Variants in B3GAT1 observed in about 807,000 individuals in gnomAD.
B3GAT1 encodes the protein beta-1,3-glucuronyltransferase 1.
In B3GAT1, 11 loss-of-function variants were observed where a neutral mutation model predicts 28.4. The ratio of observed to expected loss-of-function variants is 0.39; its 90% CI spans 0.24 to 0.64. The LOEUF (loss-of-function observed/expected upper bound fraction) is 0.64. Among genes scored for constraint, B3GAT1 ranks in the 30% least tolerant of loss-of-function variants. The pLI is 0.50. For synonymous variants in B3GAT1, 255 were observed against 223.1 expected, an observed-to-expected ratio of 1.14 and a Z score of -1.27; for missense variants, 375 against 491.0, an observed-to-expected ratio of 0.76 and a Z score of 2.23.
chr11:134,404,185 G>A (rs963456158), intron 1 of B3GAT1, among the ~76,000 whole-genome samples: 7 of 151,194 alleles, frequency 4.6e-5, no homozygotes, highest in Middle Eastern at 3.2e-3. Flanking sequence ...GCTATCCCAC[G>A]ACAGGCCCCG....
intron 1 of B3GAT1, among the ~76,000 whole-genome samples, chr11:134,392,818 G>A (rs1170193817): frequency 6.6e-6 from 1 of 152,188 alleles, no homozygotes; most frequent in Non-Finnish European, 1.5e-5. Context: ...TTCAAGGCTG[G>A]CCAATTGTAA....
intron 1 of B3GAT1, among the ~76,000 whole-genome samples, chr11:134,397,336 C>T (rs1944524703): frequency 6.6e-6 from 1 of 152,234 alleles, no homozygotes; most frequent in African/African-American, 2.4e-5. Flanking sequence ...CGTACCCAGC[C>T]TGGCACTCAG....
At chr11:134,395,818 G>GC (rs1435821403) in intron 1 of B3GAT1, among the ~76,000 whole-genome samples, 1 of 152,190 alleles carries the variant, frequency 6.6e-6, no homozygotes, top group Middle Eastern at 3.2e-3. Context: ...GCAGAGGACA[G>GC]CCCCCATTGG....
intron 5 of B3GAT1, among the ~76,000 whole-genome samples, chr11:134,381,088 A>G (rs370888013): frequency 1.3e-5 from 2 of 152,286 alleles, no homozygotes. Context: ...GGCATAACCT[A>G]GAGTAGGGAG....
intron 1 of B3GAT1, among the ~76,000 whole-genome samples, chr11:134,400,296 C>G (rs1431059632): frequency 6.6e-6 from 1 of 152,156 alleles, no homozygotes; most frequent in Non-Finnish European, 1.5e-5. Context: ...GGCGCCTGGT[C>G]TTACTCACCT....
In B3GAT1 at chr11:134,411,514, C is replaced by T. The variant is rs1460447945; in HGVS notation, c.-282+293G>A. ...GGAACTGACGACTGAGAGCCCGGGC[C>T]GATTGTTAGAAGCTGCTGAGAACCA... On this transcript the variant is annotated intron_variant, in intron 1 of 5. Coordinates refer to ENST00000312527, the MANE Select transcript of B3GAT1 (RefSeq NM_054025.3). This position sits in a 1 kb window ranked among gnomAD's most constrained non-coding sequence, Gnocchi z 6.0. Among the ~76,000 whole-genome samples, 1 of 152,094 alleles carries T rather than the reference C, an allele frequency of 6.6e-6. No individual in the cohort carries two copies. The highest frequency in any genetic ancestry group is 1.9e-4 in the East Asian group (1 of 5,158).
intron 1 of B3GAT1, chr11:134,388,210 C>T (rs1194017686): frequency 1.4e-5 from 4 of 292,056 alleles, no homozygotes; most frequent in African/African-American, 2.2e-5. Flanking sequence ...AGGTTTAAAT[C>T]CCAACTGTGC....
chr11:134,397,151 G>C (rs185985047), intron 1 of B3GAT1, among the ~76,000 whole-genome samples: 3 of 152,180 alleles, frequency 2.0e-5, no homozygotes, highest in Admixed American at 2.0e-4. Context: ...CTGCTGCCCC[G>C]GCCTAGGGCT....
Position 134,405,557 on chromosome 11 carries a change from G to A in B3GAT1, c.-282+6250C>T, listed in dbSNP as rs554177513. Among the ~76,000 whole-genome samples the A allele has an allele frequency of 2.2e-4, 33 of 152,300 alleles. 1 individual carries two copies. The South Asian group carries it at 3.3e-3, about 15-fold the overall frequency. The stretch of plus-strand genomic sequence containing the variant: ...GAGGTTGGTTTTCCTGGGTCCAGCC[G>A]TCTGAGGGAGAAGAGAGGAGGTGAG... On this transcript the variant is annotated intron_variant, in intron 1 of 5. Transcript: ENST00000312527.
In B3GAT1 at chr11:134,411,909, G is replaced by A. The variant is rs1944866089; in HGVS notation, c.-384C>T. The A allele has an allele frequency of 6.6e-6, 1 of 150,386 alleles. No individual in the cohort carries two copies. Among genetic ancestry groups the A allele is most frequent in the Admixed American group, 6.6e-5 (1 of 15,170 alleles). 9.3% of individuals were successfully genotyped at this position (150,386 alleles called of 1,614,324 possible). ...TAGACCGCTGCCCTGGGCCGCGTGC[G>A]GCTCCCTCCCCGGGGACTGTCGGGC... On this transcript the variant is annotated 5_prime_UTR_variant, in exon 1 of 6. Transcript: ENST00000312527. The surrounding 1 kb of genome is among the most constrained non-coding windows in gnomAD (Gnocchi z 6.0).
At position 134,397,288 on chromosome 11, in the gene B3GAT1, C is replaced by T. The variant is rs138293546; in HGVS notation, c.-281-9348G>A. Among the ~76,000 whole-genome samples the T allele has an allele frequency of 7.9e-5, 12 of 152,300 alleles. No individual in the cohort carries two copies. In the South Asian group the frequency reaches 8.3e-4, roughly 11 times the overall value. On this transcript the variant is annotated intron_variant, in intron 1 of 5. Transcript: ENST00000312527. ...TGTCAGACCCTCCAACCCCAGCCTG[C>T]GACCTGCTCAGATCCTCCTGTGCAC...
intron 1 of B3GAT1, among the ~76,000 whole-genome samples, chr11:134,398,093 G>T (rs991016294): frequency 6.6e-6 from 1 of 152,206 alleles, no homozygotes; most frequent in African/African-American, 2.4e-5. Flanking sequence ...CATCGAGGCT[G>T]TGCTGGCCAC....
chr11:134,399,141 T>C (rs1004082197), intron 1 of B3GAT1, among the ~76,000 whole-genome samples: 16 of 152,142 alleles, frequency 1.1e-4, no homozygotes, highest in Non-Finnish European at 2.1e-4. Flanking sequence ...GGGTTCTCAC[T>C]TGCTCCTGTT....
At chr11:134,407,613 A>G (rs1944759531) in intron 1 of B3GAT1, among the ~76,000 whole-genome samples, 1 of 152,240 alleles carries the variant, frequency 6.6e-6, no homozygotes, top group Non-Finnish European at 1.5e-5. Flanking sequence ...AATCCCTGCC[A>G]GGCACTTGGC....
chr11:134,396,067 C>A (rs911820415), intron 1 of B3GAT1, among the ~76,000 whole-genome samples: 1 of 152,158 alleles, frequency 6.6e-6, no homozygotes, highest in Non-Finnish European at 1.5e-5. Context: ...CCACTTACTT[C>A]GTCAATCCAG....
Position 134,384,103 on chromosome 11 carries a change from C to T in B3GAT1, c.198G>A (p.Val66=), listed in dbSNP as rs1243557748. The T allele has an allele frequency of 1.3e-6, 2 of 1,591,302 alleles. No homozygotes were observed. The highest frequency in any genetic ancestry group is 1.7e-5 in the Admixed American group (1 of 59,670). Residue 66 remains valine (V), a synonymous_variant, in exon 3 of 6, where the codon GTG becomes GTA. Transcript: ENST00000312527. The part of the protein sequence containing the change: ...YCTSDRDIVE[V]VRTEYVYTRP... The stretch of plus-strand genomic sequence containing the variant: ...GCGTGTACACGTACTCGGTGCGCAC[C>T]ACCTCCACGATGTCGCGGTCAGACG...
Position 134,404,010 on chromosome 11 carries a change from TA to T in B3GAT1, c.-282+7796del, listed in dbSNP as rs1565459323. Among the ~76,000 whole-genome samples, 186 of 99,186 alleles carry T rather than the reference TA, an allele frequency of 1.9e-3. 8 individuals are homozygous for T. The highest frequency in any genetic ancestry group is 6.6e-3 in the African/African-American group (179 of 26,976). The allele number at this position is 99,186 out of a possible 152,430, so 65.1% of individuals were successfully genotyped here. A position where few individuals can be genotyped will look rare whatever the true frequency, so the allele number is the denominator to read the frequency against. On this transcript the variant is annotated intron_variant, in intron 1 of 5. Coordinates refer to ENST00000312527, the MANE Select transcript of B3GAT1 (RefSeq NM_054025.3). ...ATATATATATATATATATATATATATATATATATATATATATATATTTATTA... is the reference window on the plus strand; with the variant it reads ...ATATATATATATATATATATATATATTATATATATATATATATATTTATTA...
chr11:134,390,885 C>A (rs543541809), intron 1 of B3GAT1: 1 of 152,328 alleles, frequency 6.6e-6, no homozygotes, highest in African/African-American at 2.4e-5. Context: ...AAGGGGCACA[C>A]ACAGGCCAAA....
intron 1 of B3GAT1, among the ~76,000 whole-genome samples, chr11:134,405,977 A>AT (rs1944723718): frequency 6.6e-6 from 1 of 152,040 alleles, no homozygotes; most frequent in Non-Finnish European, 1.5e-5. Context: ...TGTGGAAGTG[A>AT]TTTTTCCAGG....
Sources: allele counts gnomAD v4.1 joint callset (sites outside exome capture counted in the v4.1 genomes callset), GRCh38; gene constraint gnomAD v4.1.1; non-coding constraint Gnocchi (gnomAD v3.1); transcripts MANE v1.5; gene names NCBI Gene and HGNC (gene_info 2026-07-23, HGNC 2026-07-21).